Variants in SETBP1 observed in about 807,000 individuals in gnomAD.
SETBP1 encodes SET binding protein 1, also known as SET-binding protein.
In SETBP1, 9 loss-of-function variants were observed where a neutral mutation model predicts 101.0. The observed-to-expected ratio is 0.09, with a 90% CI of 0.05 to 0.16. The LOEUF is 0.16. Ranked by LOEUF, SETBP1 falls within the 10% of genes least tolerant of loss-of-function variation. SETBP1 has a pLI of 1.00. For missense variants in SETBP1, 1,858 were observed against 2,033.8 expected, an observed-to-expected ratio of 0.91 and a Z score of 1.66; for synonymous variants, 818 against 788.5, an observed-to-expected ratio of 1.04 and a Z score of -0.63.
chr18:45,046,289 G>C (rs2073610659), intron 5 of SETBP1, among the ~76,000 whole-genome samples: 1 of 152,168 alleles, frequency 6.6e-6, no homozygotes, highest in South Asian at 2.1e-4. Context: ...ACACTCAAGA[G>C]TGTATGAACT....
intron 3 of SETBP1, among the ~76,000 whole-genome samples, chr18:44,928,211 A>G (rs935092902): frequency 6.6e-6 from 1 of 152,234 alleles, no homozygotes; most frequent in African/African-American, 2.4e-5. Flanking sequence ...TAGTTTGCTC[A>G]GAATGATGGT....
chr18:44,995,635 C>T (rs904195220), intron 4 of SETBP1, among the ~76,000 whole-genome samples: 2 of 148,950 alleles, frequency 1.3e-5, no homozygotes, highest in Admixed American at 1.3e-4. Context: ...GCTAGTAATT[C>T]GTAAAGAACA....
At chr18:44,953,682 TA>T (rs894583526) in intron 4 of SETBP1, among the ~76,000 whole-genome samples, 3 of 152,194 alleles carry the variant, frequency 2.0e-5, no homozygotes, top group African/African-American at 7.2e-5. Context: ...GCTGTTTGGA[TA>T]CAGCCTCTAA....
chr18:44,848,478 G>A (rs920871453), intron 2 of SETBP1, among the ~76,000 whole-genome samples: 35 of 152,200 alleles, frequency 2.3e-4, no homozygotes, highest in African/African-American at 5.5e-4. Flanking sequence ...GGTTATATGT[G>A]TTGAGAAGAG....
At chr18:44,800,134 G>T (rs538019304) in intron 2 of SETBP1, among the ~76,000 whole-genome samples, 1 of 152,298 alleles carries the variant, frequency 6.6e-6, no homozygotes, top group Admixed American at 6.5e-5. Context: ...CAGGCTGGTG[G>T]TTGTCAGTGG....
intron 2 of SETBP1, among the ~76,000 whole-genome samples, chr18:44,722,576 C>T (rs2069623605): frequency 6.6e-6 from 1 of 152,222 alleles, no homozygotes; most frequent in South Asian, 2.1e-4. Flanking sequence ...TGCAGAGCAG[C>T]AGTATTCGGG....
At chr18:45,034,785 A>G (rs1231256306) in intron 4 of SETBP1, among the ~76,000 whole-genome samples, 3 of 152,142 alleles carry the variant, frequency 2.0e-5, no homozygotes, top group Admixed American at 2.0e-4. Flanking sequence ...TGCTATCCAT[A>G]CAGTCTACTT....
At chr18:44,897,580 A>G (rs537052939) in intron 3 of SETBP1, among the ~76,000 whole-genome samples, 1 of 152,244 alleles carries the variant, frequency 6.6e-6, no homozygotes, top group East Asian at 1.9e-4. Flanking sequence ...AGTTTATAGC[A>G]TTAATTGAGT....
intron 5 of SETBP1, among the ~76,000 whole-genome samples, chr18:45,051,902 C>T (rs1346554227): frequency 6.6e-6 from 1 of 152,208 alleles, no homozygotes; most frequent in African/African-American, 2.4e-5. Flanking sequence ...GAGTAGGGAA[C>T]AGCTGAAATA....
intron 3 of SETBP1, among the ~76,000 whole-genome samples, chr18:44,883,931 C>T (rs193057958): frequency 2.6e-5 from 4 of 152,308 alleles, no homozygotes; most frequent in Admixed American, 2.6e-4. Context: ...ATACATTTCT[C>T]TTTTATGTAC....
rs2071395716 is a variant in SETBP1, at chr18:44,952,924, A to T, written c.3584A>T (p.Lys1195Ile). 1.2e-6 allele frequency: 2 copies of T among 1,614,068 alleles called. No homozygotes were observed. Among genetic ancestry groups the T allele is most frequent in the Admixed American group, 3.3e-5 (2 of 60,004 alleles). The change falls in exon 4 of 6, where the codon AAA (lysine) becomes ATA (isoleucine). Residue 1195 changes from lysine to isoleucine, a missense_variant. Lys to Ile is a moderately radical substitution (Grantham distance 102). Around this residue, in one of 12 missense-constraint regions of SETBP1, gnomAD observed 417 missense variants for 389.1 expected, o/e 1.07. Coordinates refer to ENST00000649279, the MANE Select transcript of SETBP1 (RefSeq NM_015559.3). The stretch of plus-strand genomic sequence containing the variant: ...AGCGAGCGGCTGAGTAGCGCAGACA[A>T]AGAGCTCCCGCTGGTGAGTGAGAAG... ...ILSERLSSADKELPLVSEKNK... is the reference protein window; with the variant it reads ...ILSERLSSADIELPLVSEKNK...
At chr18:44,794,140 A>T (rs1273243671) in intron 2 of SETBP1, among the ~76,000 whole-genome samples, 1 of 152,174 alleles carries the variant, frequency 6.6e-6, no homozygotes, top group Admixed American at 6.5e-5. Context: ...AAGAGGGGGA[A>T]TGGGGACACC....
At chr18:44,733,468 C>G (rs567848393) in intron 2 of SETBP1, among the ~76,000 whole-genome samples, 1 of 152,304 alleles carries the variant, frequency 6.6e-6, no homozygotes, top group East Asian at 1.9e-4. Context: ...TGGATCACAT[C>G]TCTGTCCCCA....
chr18:44,817,693 A>G (rs928009634), intron 2 of SETBP1, among the ~76,000 whole-genome samples: 4 of 151,778 alleles, frequency 2.6e-5, no homozygotes, highest in African/African-American at 9.7e-5. Flanking sequence ...TCAAAAAAAA[A>G]AAAAGAAAAA....
At chr18:44,833,467 A>G (rs2072422779) in intron 2 of SETBP1, among the ~76,000 whole-genome samples, 1 of 152,200 alleles carries the variant, frequency 6.6e-6, no homozygotes, top group Non-Finnish European at 1.5e-5. Context: ...ACTGGGAAGT[A>G]CAGGCATGGG....
At chr18:45,034,640 C>G (rs188841194) in intron 4 of SETBP1, among the ~76,000 whole-genome samples, 2 of 152,046 alleles carry the variant, frequency 1.3e-5, no homozygotes, top group Non-Finnish European at 2.9e-5. Context: ...TAATTAAGAA[C>G]AGATGTTGGA....
intron 4 of SETBP1, among the ~76,000 whole-genome samples, chr18:44,954,188 C>G (rs1458159026): frequency 6.6e-6 from 1 of 152,120 alleles, no homozygotes; most frequent in Non-Finnish European, 1.5e-5. Context: ...AAATCCTTCC[C>G]TGCTGTTAGG....
intron 1 of SETBP1, among the ~76,000 whole-genome samples, chr18:44,695,343 A>G (rs1169931560): frequency 6.6e-6 from 1 of 152,194 alleles, no homozygotes; most frequent in African/African-American, 2.4e-5. Context: ...GTTCCAGGAA[A>G]ATTAAAGGGA....
intron 2 of SETBP1, among the ~76,000 whole-genome samples, chr18:44,839,435 A>C (rs1000312187): frequency 2.6e-5 from 4 of 151,456 alleles, no homozygotes; most frequent in African/African-American, 9.7e-5. Flanking sequence ...TGCTGCTGCG[A>C]GGCTGCCCTT....
Sources: allele counts gnomAD v4.1 joint callset (sites outside exome capture counted in the v4.1 genomes callset), GRCh38; gene constraint gnomAD v4.1.1; regional missense constraint gnomAD v4.1.1; transcripts MANE v1.5; gene names NCBI Gene and HGNC (gene_info 2026-07-23, HGNC 2026-07-21).